WDR11: variants seen among roughly 807,000 people sequenced by gnomAD.
WDR11 encodes WD repeat-containing protein 11.
A neutral mutation model predicts 151.2 loss-of-function variants in WDR11; 83 were observed. That is an observed-to-expected ratio of 0.55 (90% CI 0.46 to 0.66). The LOEUF (loss-of-function observed/expected upper bound fraction) is 0.66. Ranked by LOEUF, WDR11 falls within the 30% of genes least tolerant of loss-of-function variation. The pLI is 0.00. For missense variants in WDR11, 1,301 were observed against 1,480.9 expected (o/e 0.88, Z 1.99); for synonymous variants, 484 against 533.1 (o/e 0.91, Z 1.27).
At chr10:120,852,763 G>A in intron 2 of WDR11, 128 bp downstream of exon 2, 1 of 787,990 alleles carries the variant, frequency 1.3e-6, no homozygotes, top group East Asian at 2.8e-5. Flanking sequence ...ACCTATTTGG[G>A]GTAGCCTAGA....
chr10:120,896,503 G>GT (rs1462659180), intron 19 of WDR11, among the ~76,000 whole-genome samples: 2 of 152,166 alleles, frequency 1.3e-5, no homozygotes, highest in African/African-American at 4.8e-5. Flanking sequence ...ACCAAACTGT[G>GT]TAACAACAAT....
At chr10:120,890,055 T>C (rs1485809173) in intron 18 of WDR11, 46 bp downstream of exon 18, 3 of 1,349,786 alleles carry the variant, frequency 2.2e-6, no homozygotes, top group Admixed American at 1.7e-5. Context: ...TTGTTAGCCA[T>C]AGGAACTGTG....
intron 19 of WDR11, among the ~76,000 whole-genome samples, chr10:120,893,359 G>A (rs1303327700): frequency 2.6e-5 from 4 of 152,034 alleles, no homozygotes; most frequent in Non-Finnish European, 5.9e-5. Flanking sequence ...ATTCTTTATG[G>A]CTGCATAGTA....
Position 120,886,079 on chromosome 10 carries a change from AC to A in WDR11, c.1973+144del, listed in dbSNP as rs200376214. On this transcript the variant is annotated intron_variant, in intron 15 of 28. Transcript: ENST00000263461. The stretch of plus-strand genomic sequence containing the variant: ...TACTTAGTTTCATCTTTCAGTACAT[AC>A]CCAGATTACTAAAAAGATAATTTTA... 1.2e-3 allele frequency: 1,239 copies of A among 1,017,220 alleles called. 14 individuals carry two copies. The Admixed American group carries it at 0.024, about 20-fold the overall frequency. 63.0% of individuals were successfully genotyped at this position (1,017,220 alleles called of 1,614,324 possible). A position where few individuals can be genotyped will look rare whatever the true frequency, so the allele number is the denominator to read the frequency against.
chr10:120,905,421 G>A lies in WDR11; in HGVS notation c.3291+5G>A. 3 of 1,614,136 alleles carry A rather than the reference G, an allele frequency of 1.9e-6. No homozygotes were observed. The highest frequency in any genetic ancestry group is 2.5e-6 in the Non-Finnish European group (3 of 1,179,998). On this transcript the variant is annotated splice_donor_5th_base_variant and intron_variant, in intron 26 of 28. Coordinates refer to ENST00000263461, the MANE Select transcript of WDR11 (RefSeq NM_018117.12). Reference sequence around the variant, plus strand: ...CGGGCTGCATGGCTGGCAAAAGTAGGTGGTTCCAAGTTTCAATAGGTGCCC... The same window carrying A: ...CGGGCTGCATGGCTGGCAAAAGTAGATGGTTCCAAGTTTCAATAGGTGCCC...
chr10:120,873,960 C>T (rs1276521407), intron 11 of WDR11, 37 bp downstream of exon 11: 2 of 1,427,254 alleles, frequency 1.4e-6, no homozygotes, highest in East Asian at 4.6e-5. Flanking sequence ...TCACAAACAT[C>T]ATATCAGAAA....
At chr10:120,862,128 T>TTTTTTG (rs1157030403) in intron 4 of WDR11, among the ~76,000 whole-genome samples, 3 of 151,038 alleles carry the variant, frequency 2.0e-5, no homozygotes, top group South Asian at 2.1e-4. Context: ...TGTTTGTTTG[T>TTTTTTG]TTTTTGTTTT....
intron 12 of WDR11, chr10:120,878,900 G>A: frequency 6.5e-6 from 1 of 154,036 alleles, no homozygotes; most frequent in South Asian, 2.0e-4. Flanking sequence ...AATAGTCTCT[G>A]GCTGAATGAA....
chr10:120,867,108 T>G lies in WDR11; in HGVS notation c.1233T>G (p.Cys411Trp), dbSNP rs1342502471. ...CTTTATATTCACCAGTGTCTTTCTG[T>G]GGAATTCCTGTAGGAGTGCTACAGA... ...VSPLYSPVSF[C>W]GIPVGVLQNK... The change falls in exon 9 of 29, where the codon TGT becomes TGG. Residue 411 changes from cysteine (C) to tryptophan (W), a missense_variant. Physicochemically the swap from Cys to Trp is radical, Grantham distance 215. Transcript: ENST00000263461. 3 of 1,613,844 alleles carry G rather than the reference T, an allele frequency of 1.9e-6. No individual in the cohort carries two copies. In the African/African-American group the frequency reaches 4.0e-5, roughly 22 times the overall value.
intron 11 of WDR11, among the ~76,000 whole-genome samples, chr10:120,876,237 C>T (rs1358300413): frequency 6.6e-6 from 1 of 152,066 alleles, no homozygotes; most frequent in Non-Finnish European, 1.5e-5. Context: ...GCCTCTGCCT[C>T]CCAAAGTGCT....
At chr10:120,856,310 C>A (rs1338436144) in intron 2 of WDR11, among the ~76,000 whole-genome samples, 1 of 151,992 alleles carries the variant, frequency 6.6e-6, no homozygotes, top group Non-Finnish European at 1.5e-5. Context: ...CATGGTGGCT[C>A]ACACCTGTAA....
At chr10:120,871,724 A>T (rs112619169) in intron 10 of WDR11, among the ~76,000 whole-genome samples, 18 of 152,172 alleles carry the variant, frequency 1.2e-4, no homozygotes, top group Non-Finnish European at 1.9e-4. Context: ...TTGACTAAAA[A>T]TATAGTCAGG....
chr10:120,882,246 ATATTGCTGGATTTGATT>A (rs1173808929), intron 13 of WDR11, among the ~76,000 whole-genome samples: 2 of 152,062 alleles, frequency 1.3e-5, no homozygotes, highest in Non-Finnish European at 2.9e-5. Flanking sequence ...CTGTTTTGAC[ATATTGCTGGATTTGATT>A]TATTGATATA....
At chr10:120,901,796 G>A (rs925295940) in intron 21 of WDR11, among the ~76,000 whole-genome samples, 11 of 152,198 alleles carry the variant, frequency 7.2e-5, no homozygotes, top group African/African-American at 2.7e-4. Context: ...TCTGATTTGT[G>A]AATATTCAGT....
At chr10:120,902,911 C>G in intron 22 of WDR11, 144 bp from the exon 23 acceptor site, 1 of 850,104 alleles carries the variant, frequency 1.2e-6, no homozygotes, top group Non-Finnish European at 1.9e-6. Context: ...AACTTGCTGC[C>G]TCCCCCTTTC....
intron 12 of WDR11, among the ~76,000 whole-genome samples, chr10:120,878,799 A>C (rs189735684): frequency 5.6e-4 from 86 of 152,276 alleles, no homozygotes; most frequent in African/African-American, 1.9e-3. Context: ...ACTTTATTAG[A>C]GTCTGTGCTG....
At chr10:120,903,018 G>A (rs1180060433) in intron 22 of WDR11, 37 bp from the exon 23 acceptor site, 2 of 1,610,350 alleles carry the variant, frequency 1.2e-6, no homozygotes, top group African/African-American at 1.3e-5. Flanking sequence ...GGCCAGGTGT[G>A]CTGAGTGCAG....
At chr10:120,855,670 G>A (rs1029711676) in intron 2 of WDR11, among the ~76,000 whole-genome samples, 1 of 152,094 alleles carries the variant, frequency 6.6e-6, no homozygotes, top group Admixed American at 6.5e-5. Context: ...TATATATGAT[G>A]TGAAATAGGG....
rs904899670 is a variant in WDR11 at position 120,909,090 on chromosome 10, G to C, written c.*377G>C. The stretch of plus-strand genomic sequence containing the variant: ...GAGAAACCTATAGTAAATGAAATTT[G>C]TGAGATGTTTTCTCAAATATATGCT... On this transcript the variant is annotated 3_prime_UTR_variant, in exon 29 of 29. Transcript: ENST00000263461. 1 of 270,628 alleles carries C rather than the reference G, an allele frequency of 3.7e-6. No homozygotes were observed. The highest frequency in any genetic ancestry group is 7.2e-6 in the Non-Finnish European group (1 of 139,302). 16.8% of individuals were successfully genotyped at this position (270,628 alleles called of 1,614,324 possible). A position where few individuals can be genotyped will look rare whatever the true frequency, so the allele number is the denominator to read the frequency against.
Sources: gnomAD v4.1 joint callset for allele counts (sites outside exome capture counted in the v4.1 genomes callset) on GRCh38, gnomAD v4.1.1 for gene constraint, MANE v1.5 for transcripts, NCBI Gene and HGNC (gene_info 2026-07-23, HGNC 2026-07-21) for gene names.